PCED1B: variants seen among roughly 807,000 people sequenced by gnomAD.
The protein encoded by PCED1B is PC-esterase domain-containing protein 1B.
For synonymous variants in PCED1B, 251 were observed against 246.1 expected, an observed-to-expected ratio of 1.02 and a Z score of -0.19; for missense variants, 573 against 573.9, an observed-to-expected ratio of 1.00 and a Z score of 0.02.
chr12:47,135,581 C>T (rs4768775), intron 2 of PCED1B: 308,387 of 508,938 alleles, frequency 0.61, 96,410 homozygotes, highest in Admixed American at 0.7. Flanking sequence ...AGGCACTTGG[C>T]AGTGGAGACA....
At chr12:47,190,691 A>G (rs185035046) in intron 2 of PCED1B, among the ~76,000 whole-genome samples, 1 of 152,340 alleles carries the variant, frequency 6.6e-6, no homozygotes, top group East Asian at 1.9e-4. Context: ...TCTGCATGTT[A>G]TCTCATACTG....
intron 2 of PCED1B, among the ~76,000 whole-genome samples, chr12:47,131,084 G>T (rs375664422): frequency 1.3e-5 from 2 of 152,264 alleles, no homozygotes; most frequent in South Asian, 4.1e-4. Flanking sequence ...TCATATTTAT[G>T]AATTTGAGTT....
intron 1 of PCED1B, among the ~76,000 whole-genome samples, chr12:47,090,264 A>G (rs1938207086): frequency 6.6e-6 from 1 of 152,204 alleles, no homozygotes; most frequent in South Asian, 2.1e-4. Context: ...CGAACAGAGA[A>G]CTCATATCAG....
intron 2 of PCED1B, among the ~76,000 whole-genome samples, chr12:47,162,117 GTGGT>G (rs1941402428): frequency 1.3e-5 from 2 of 151,010 alleles, no homozygotes; most frequent in Non-Finnish European, 2.9e-5. Context: ...CTGTTGTGGG[GTGGT>G]GGGGGGGGGA....
At position 47,206,143 on chromosome 12, in the gene PCED1B, G is replaced by C. The variant is rs1035147867; in HGVS notation, c.-525-10079G>C. ...GTGTCAGCTGATCCATCACATGCAG[G>C]GTCTGCAAAATATCTCAAGCATTGA... On this transcript the variant is annotated intron_variant, in intron 2 of 3. Coordinates refer to ENST00000546455, the MANE Select transcript of PCED1B (RefSeq NM_138371.3). 2.0e-5 allele frequency: 3 copies of C among 152,152 alleles called. No homozygotes were observed. The East Asian group carries it at 5.8e-4, about 29-fold the overall frequency. The allele number at this position is 152,152 out of a possible 1,614,324, so 9.4% of individuals were successfully genotyped here. A position where few individuals can be genotyped will look rare whatever the true frequency, so the allele number is the denominator to read the frequency against.
chr12:47,097,196 T>C (rs370913328), intron 1 of PCED1B, among the ~76,000 whole-genome samples: 57 of 152,332 alleles, frequency 3.7e-4, no homozygotes, highest in African/African-American at 1.3e-3. Flanking sequence ...TTTGATCTTC[T>C]ATCTGTATCA....
intron 2 of PCED1B, among the ~76,000 whole-genome samples, chr12:47,142,272 C>T (rs1189074621): frequency 1.3e-5 from 2 of 152,188 alleles, no homozygotes; most frequent in Admixed American, 6.5e-5. Flanking sequence ...ACTCCAACCC[C>T]ACTCAACTGC....
At chr12:47,109,768 A>G (rs1289967041) in intron 2 of PCED1B, among the ~76,000 whole-genome samples, 4 of 152,202 alleles carry the variant, frequency 2.6e-5, no homozygotes, top group African/African-American at 9.7e-5. Context: ...TTAAAAGGCT[A>G]TTAAAACTTT....
intron 2 of PCED1B, among the ~76,000 whole-genome samples, chr12:47,119,989 T>TAAA (rs1438362097): frequency 2.0e-5 from 3 of 147,000 alleles, no homozygotes; most frequent in African/African-American, 7.4e-5. Flanking sequence ...ATAATAATAA[T>TAAA]AAAATGATTA....
chr12:47,203,847 C>CCAAAG (rs1942839738), intron 2 of PCED1B, among the ~76,000 whole-genome samples: 1 of 152,130 alleles, frequency 6.6e-6, no homozygotes, highest in Non-Finnish European at 1.5e-5. Context: ...ATTGCTGGGT[C>CCAAAG]TAATGGTATT....
chr12:47,222,467 G>T (rs1401921405), intron 3 of PCED1B, among the ~76,000 whole-genome samples: 2 of 149,896 alleles, frequency 1.3e-5, no homozygotes, highest in Non-Finnish European at 3.0e-5. Context: ...GGAAGTGATA[G>T]GGGCCTGCAT....
intron 2 of PCED1B, among the ~76,000 whole-genome samples, chr12:47,185,533 A>T (rs183920528): frequency 0.029 from 4,437 of 152,290 alleles, 221 homozygotes; most frequent in African/African-American, 0.1. Context: ...TCACACCTGT[A>T]ATCCCAGCAC....
At chr12:47,121,016 T>C (rs1366438136) in intron 2 of PCED1B, among the ~76,000 whole-genome samples, 1 of 152,102 alleles carries the variant, frequency 6.6e-6, no homozygotes. Flanking sequence ...AAAAGGGACA[T>C]AGCTAAAGGG....
intron 2 of PCED1B, among the ~76,000 whole-genome samples, chr12:47,142,490 A>G (rs535197125): frequency 6.6e-6 from 1 of 152,348 alleles, no homozygotes; most frequent in South Asian, 2.1e-4. Context: ...TTGGATATCT[A>G]TGAATTGCCT....
chr12:47,085,530 A>C (rs1286912233), intron 1 of PCED1B, among the ~76,000 whole-genome samples: 1 of 152,262 alleles, frequency 6.6e-6, no homozygotes, highest in East Asian at 1.9e-4. Flanking sequence ...GGGCAAATAA[A>C]TTCGGGTACA....
chr12:47,189,257 T>G (rs946023503), intron 2 of PCED1B, among the ~76,000 whole-genome samples: 6 of 152,162 alleles, frequency 3.9e-5, no homozygotes, highest in African/African-American at 1.2e-4. Context: ...ATTACCCCAT[T>G]GGATGCCTTT....
intron 2 of PCED1B, among the ~76,000 whole-genome samples, chr12:47,177,512 G>A (rs1195290856): frequency 6.6e-6 from 1 of 152,124 alleles, no homozygotes; most frequent in East Asian, 1.9e-4. Context: ...TGACTGATTA[G>A]AGGACATGAG....
chr12:47,190,917 C>T (rs1314466359), intron 2 of PCED1B, among the ~76,000 whole-genome samples: 1 of 152,166 alleles, frequency 6.6e-6, no homozygotes, highest in Admixed American at 6.5e-5. Context: ...GCTTGTGTCC[C>T]TCAGCCAATC....
At chr12:47,207,573 G>A (rs1942949659) in intron 2 of PCED1B, among the ~76,000 whole-genome samples, 1 of 152,200 alleles carries the variant, frequency 6.6e-6, no homozygotes, top group Non-Finnish European at 1.5e-5. Context: ...CTTAGCATGG[G>A]TGACAGTGTG....
Sources: allele counts gnomAD v4.1 joint callset (sites outside exome capture counted in the v4.1 genomes callset), GRCh38; gene constraint gnomAD v4.1.1; transcripts MANE v1.5; gene names NCBI Gene and HGNC (gene_info 2026-07-23, HGNC 2026-07-21).